SYN3: variants seen among roughly 807,000 people sequenced by gnomAD.
The protein encoded by SYN3 is synapsin-3.
A neutral mutation model predicts 65.8 loss-of-function variants in SYN3; 35 were observed. That is an observed-to-expected ratio of 0.53 (90% confidence interval 0.41 to 0.70). SYN3 has a LOEUF of 0.70. SYN3 is among the 30% of genes least tolerant of loss of function. The pLI is 0.00. For synonymous variants in SYN3, 270 were observed against 292.9 expected (o/e 0.92, Z 0.80); for missense variants, 680 against 749.0 (o/e 0.91, Z 1.08).
intron 6 of SYN3, among the ~76,000 whole-genome samples, chr22:32,845,165 G>T (rs2048023754): frequency 7.5e-6 from 1 of 132,620 alleles, no homozygotes; most frequent in South Asian, 2.2e-4. Flanking sequence ...TCTCTGATTG[G>T]TGCTTCTGTA....
intron 6 of SYN3, among the ~76,000 whole-genome samples, chr22:32,779,391 C>T (rs141717493): frequency 0.016 from 2,491 of 152,216 alleles, 57 homozygotes; most frequent in African/African-American, 0.056. Context: ...ACCTGGGAGG[C>T]GGAGGTTGCA....
intron 7 of SYN3, among the ~76,000 whole-genome samples, chr22:32,565,444 C>G (rs1196309889): frequency 6.6e-6 from 1 of 151,296 alleles, no homozygotes; most frequent in Non-Finnish European, 1.5e-5. Flanking sequence ...TATATACACA[C>G]ACATATACAT....
chr22:32,733,391 C>T (rs373746535), intron 6 of SYN3, among the ~76,000 whole-genome samples: 2 of 152,160 alleles, frequency 1.3e-5, no homozygotes, highest in East Asian at 3.8e-4. Context: ...CCTCATTGTA[C>T]CCATGGAGGA....
In SYN3 at chr22:32,647,241, A is replaced by G. The variant is rs182006271; in HGVS notation, c.712-50505T>C. Among the ~76,000 whole-genome samples the G allele has an allele frequency of 2.7e-3, 418 of 152,120 alleles. 2 individuals carry two copies. The highest frequency in any genetic ancestry group is 9.3e-3 in the African/African-American group (388 of 41,500). ...GGGTCAGCAGAGGAGGGACCCAGGG[A>G]TCTCCAGAAGGCCTCTTGGTGTTCT... On this transcript the variant is annotated intron_variant, in intron 6 of 13. Coordinates refer to ENST00000358763, the MANE Select transcript of SYN3 (RefSeq NM_003490.4).
At chr22:32,540,316 T>TGGATTCAG (rs2058234437) in intron 8 of SYN3, among the ~76,000 whole-genome samples, 1 of 152,226 alleles carries the variant, frequency 6.6e-6, no homozygotes, top group African/African-American at 2.4e-5. Flanking sequence ...GGATTCGGCC[T>TGGATTCAG]GTGGTTGTGG....
At chr22:32,596,854 G>C (rs1183098946) in intron 6 of SYN3, 118 bp from the exon 7 acceptor site, 5 of 1,039,814 alleles carry the variant, frequency 4.8e-6, no homozygotes, top group Non-Finnish European at 7.1e-6. Context: ...ATCCCCACAA[G>C]AATGCTTCGA....
chr22:32,753,896 T>C (rs1422186396), intron 6 of SYN3, among the ~76,000 whole-genome samples: 1 of 152,182 alleles, frequency 6.6e-6, no homozygotes, highest in African/African-American at 2.4e-5. Context: ...CTCACGTGCT[T>C]GTGTGGAATT....
At chr22:33,001,357 T>C (rs2053053909) in intron 2 of SYN3, among the ~76,000 whole-genome samples, 1 of 152,230 alleles carries the variant, frequency 6.6e-6, no homozygotes, top group African/African-American at 2.4e-5. Flanking sequence ...TTAAATGTTA[T>C]GTCTGAGGCC....
chr22:32,817,766 G>T lies in SYN3; in HGVS notation c.711+47149C>A, dbSNP rs189014452. Among the ~76,000 whole-genome samples the T allele has an allele frequency of 1.0e-3, 156 of 152,288 alleles. 1 individual carries two copies. The highest frequency in any genetic ancestry group is 7.1e-4 in the Non-Finnish European group (48 of 68,026). ...TATACCGTTAAGGACATGATTGAAG[G>T]ACATTGTGGTGAGTGTGAAGGTGAG... On this transcript the variant is annotated intron_variant, in intron 6 of 13. Coordinates refer to ENST00000358763, the MANE Select transcript of SYN3 (RefSeq NM_003490.4).
chr22:32,779,309 A>G (rs771271710), intron 6 of SYN3, among the ~76,000 whole-genome samples: 1 of 152,118 alleles, frequency 6.6e-6, no homozygotes, highest in Non-Finnish European at 1.5e-5. Flanking sequence ...AAAATACACA[A>G]ATTAGCCGGG....
At chr22:32,722,820 C>T (rs2061138691) in intron 6 of SYN3, among the ~76,000 whole-genome samples, 1 of 152,204 alleles carries the variant, frequency 6.6e-6, no homozygotes, top group Non-Finnish European at 1.5e-5. Context: ...TCTGGAGTCC[C>T]TCCCTAGTAA....
At chr22:32,999,639 C>T (rs545955282) in intron 2 of SYN3, among the ~76,000 whole-genome samples, 1 of 152,134 alleles carries the variant, frequency 6.6e-6, no homozygotes, top group Non-Finnish European at 1.5e-5. Flanking sequence ...GCTGAGATTG[C>T]GCCATTCCAC....
chr22:32,936,619 A>G lies in SYN3; in HGVS notation c.370-5138T>C, dbSNP rs1223372040. Among the ~76,000 whole-genome samples, 5 of 152,242 alleles carry G rather than the reference A, an allele frequency of 3.3e-5. No individual in the cohort carries two copies. The East Asian group carries it at 9.6e-4, about 29-fold the overall frequency. ...AAGGCCAGGAAAAAGCCATTAGGAA[A>G]CAATCTCCAGAATCCACAGAGCTGG... On this transcript the variant is annotated intron_variant, in intron 3 of 13. Coordinates refer to ENST00000358763, the MANE Select transcript of SYN3 (RefSeq NM_003490.4).
intron 4 of SYN3, among the ~76,000 whole-genome samples, chr22:32,882,850 T>TA (rs1357997932): frequency 2.0e-5 from 3 of 151,866 alleles, no homozygotes; most frequent in Non-Finnish European, 4.4e-5. Context: ...AAGAAAACAA[T>TA]AAAAAAGCCT....
chr22:32,620,629 C>T (rs910740433), intron 6 of SYN3, among the ~76,000 whole-genome samples: 14 of 152,068 alleles, frequency 9.2e-5, no homozygotes, highest in East Asian at 5.8e-4. Context: ...TCTCAATTTT[C>T]AAGAGAACCC....
chr22:32,776,843 C>T (rs975981371), intron 6 of SYN3, among the ~76,000 whole-genome samples: 13 of 152,196 alleles, frequency 8.5e-5, no homozygotes, highest in Admixed American at 2.0e-4. Context: ...CATGGCAAGG[C>T]TACCCTGGTC....
intron 6 of SYN3, among the ~76,000 whole-genome samples, chr22:32,673,253 G>T (rs974834315): frequency 6.6e-5 from 10 of 152,254 alleles, no homozygotes; most frequent in Admixed American, 1.3e-4. Flanking sequence ...GAAGAGGGGA[G>T]GTTCCCACAT....
chr22:32,779,760 T>C (rs989662935), intron 6 of SYN3, among the ~76,000 whole-genome samples: 1 of 151,984 alleles, frequency 6.6e-6, no homozygotes, highest in African/African-American at 2.4e-5. Context: ...AACAGGACCT[T>C]ACGTACTTTG....
chr22:33,044,231 T>G (rs982201341), intron 1 of SYN3, among the ~76,000 whole-genome samples: 15 of 152,126 alleles, frequency 9.9e-5, no homozygotes, highest in African/African-American at 3.6e-4. Context: ...CTAGGTACAG[T>G]GCGTTCTTCC....
Sources: gnomAD v4.1 joint callset for allele counts (sites outside exome capture counted in the v4.1 genomes callset) on GRCh38, gnomAD v4.1.1 for gene constraint, MANE v1.5 for transcripts, NCBI Gene and HGNC (gene_info 2026-07-23, HGNC 2026-07-21) for gene names.